Variants in PTPRA observed in about 807,000 individuals in gnomAD.
The protein encoded by PTPRA is receptor-type tyrosine-protein phosphatase alpha.
A neutral mutation model predicts 104.8 loss-of-function variants in PTPRA; 25 were observed. The observed-to-expected ratio is 0.24, with a 90% confidence interval of 0.17 to 0.33. PTPRA has a LOEUF of 0.33. Ranked by LOEUF, PTPRA falls within the 10% of genes least tolerant of loss-of-function variation. The probability of loss-of-function intolerance (pLI) is 1.00; values close to 1 mark genes in which losing one functional copy is unlikely to be tolerated. For missense variants in PTPRA, 765 were observed against 1,015.3 expected (o/e 0.75, Z 3.35); for synonymous variants, 323 against 368.9 (o/e 0.88, Z 1.43).
chr20:2,939,963 A>G (rs1256624143), intron 2 of PTPRA, among the ~76,000 whole-genome samples: 2 of 152,176 alleles, frequency 1.3e-5, no homozygotes, highest in African/African-American at 2.4e-5. Context: ...AAAAAAAATT[A>G]GCCGGGCATG....
At position 3,019,893 on chromosome 20, in the gene PTPRA, G is replaced by A. The variant is rs1010642269; in HGVS notation, c.1042-1416G>A. Reference sequence around the variant, plus strand: ...TGGAGACCAGCCCGGCCAACACAGCGAAACCCCGTCTCCACCAAAAAAATA... The same window carrying A: ...TGGAGACCAGCCCGGCCAACACAGCAAAACCCCGTCTCCACCAAAAAAATA... On this transcript the variant is annotated intron_variant, in intron 13 of 23. Coordinates refer to ENST00000399903, the MANE Select transcript of PTPRA (RefSeq NM_001385305.1). Among the ~76,000 whole-genome samples, 54 of 152,204 alleles carry A rather than the reference G, an allele frequency of 3.5e-4. 1 individual carries two copies. Among genetic ancestry groups the A allele is most frequent in the African/African-American group, 1.0e-3 (42 of 41,550 alleles).
At chr20:2,900,037 G>A (rs542788057) in intron 1 of PTPRA, among the ~76,000 whole-genome samples, 2 of 152,300 alleles carry the variant, frequency 1.3e-5, no homozygotes, top group South Asian at 4.1e-4. Flanking sequence ...TTGAACCCAG[G>A]AGGTGGGGGC....
At chr20:2,988,559 T>TA (rs2063005647) in intron 9 of PTPRA, 85 bp downstream of exon 9, 1 of 1,530,058 alleles carries the variant, frequency 6.5e-7, no homozygotes, top group African/African-American at 1.4e-5. Context: ...AGTCATGAAG[T>TA]AAAAAATGGG....
In PTPRA at chr20:3,035,659, G is replaced by A. The variant is rs1197308072; in HGVS notation, c.1995G>A (p.Glu665=). 6.2e-7 allele frequency: 1 copy of A among 1,614,196 alleles called. No homozygotes were observed. Among genetic ancestry groups the A allele is most frequent in the South Asian group, 1.1e-5 (1 of 91,076 alleles). The part of the protein sequence containing the change: ...YGDITVELKK[E]EECESYTVRD... ...ATATTACAGTGGAACTGAAGAAGGA[G>A]GAGGAATGTGAGAGCTACACCGTCC... Residue 665 remains glutamate (E), a synonymous_variant, in exon 21 of 24, where the codon GAG becomes GAA. Coordinates refer to ENST00000399903, the MANE Select transcript of PTPRA (RefSeq NM_001385305.1). This position sits in a 1 kb window ranked among gnomAD's most constrained non-coding sequence, Gnocchi z 5.8.
chr20:2,969,320 A>G (rs1053947655), intron 5 of PTPRA, among the ~76,000 whole-genome samples: 1 of 151,050 alleles, frequency 6.6e-6, no homozygotes, highest in Non-Finnish European at 1.5e-5. Flanking sequence ...CAGTCTCGGC[A>G]TACTGCAAAC....
At chr20:2,877,063 T>C (rs1429582983) in intron 1 of PTPRA, among the ~76,000 whole-genome samples, 1 of 152,156 alleles carries the variant, frequency 6.6e-6, no homozygotes, top group African/African-American at 2.4e-5. Context: ...GCACCTTTCA[T>C]TGGAGGTGCT....
At chr20:2,975,762 G>T (rs1429632064) in intron 6 of PTPRA, among the ~76,000 whole-genome samples, 3 of 152,182 alleles carry the variant, frequency 2.0e-5, no homozygotes. Context: ...AGAGTAGGGG[G>T]ACATGGGTAC....
At chr20:2,900,910 G>C (rs2147102845) in intron 1 of PTPRA, among the ~76,000 whole-genome samples, 1 of 151,716 alleles carries the variant, frequency 6.6e-6, no homozygotes, top group Admixed American at 6.6e-5. Context: ...CCCTGACCCT[G>C]AAATAGTTGA....
intron 1 of PTPRA, among the ~76,000 whole-genome samples, chr20:2,879,319 A>G (rs2089921994): frequency 6.6e-6 from 1 of 152,190 alleles, no homozygotes; most frequent in Non-Finnish European, 1.5e-5. Flanking sequence ...CAAGTCCTGA[A>G]TCAGTAGGTT....
intron 2 of PTPRA, among the ~76,000 whole-genome samples, chr20:2,925,208 C>T (rs971292379): frequency 6.6e-5 from 10 of 152,180 alleles, no homozygotes; most frequent in African/African-American, 2.4e-4. Flanking sequence ...CCTCCCCCAG[C>T]TGCTGGCAAC....
intron 9 of PTPRA, among the ~76,000 whole-genome samples, chr20:2,997,681 G>A (rs993384856): frequency 6.6e-6 from 1 of 152,108 alleles, no homozygotes; most frequent in Non-Finnish European, 1.5e-5. Flanking sequence ...ATTACAAGCT[G>A]GAGCTTTTTT....
At chr20:3,028,122 C>T (rs1568707503) in intron 20 of PTPRA, among the ~76,000 whole-genome samples, 1 of 152,168 alleles carries the variant, frequency 6.6e-6, no homozygotes, top group Non-Finnish European at 1.5e-5. Context: ...AGACAGCTCA[C>T]ACCCTTGCAC....
chr20:3,008,737 A>G (rs1232178477), intron 11 of PTPRA, among the ~76,000 whole-genome samples: 1 of 116,534 alleles, frequency 8.6e-6, no homozygotes, highest in South Asian at 2.7e-4. Flanking sequence ...CTAAAAAAAA[A>G]AAAAAAACAA....
intron 1 of PTPRA, among the ~76,000 whole-genome samples, chr20:2,881,163 C>G (rs1391496720): frequency 6.6e-6 from 1 of 150,884 alleles, no homozygotes; most frequent in East Asian, 1.9e-4. Context: ...AAGAATTCGC[C>G]GGGCGTGGTG....
intron 3 of PTPRA, among the ~76,000 whole-genome samples, chr20:2,949,923 A>G (rs1321403426): frequency 6.6e-6 from 1 of 152,156 alleles, no homozygotes; most frequent in Non-Finnish European, 1.5e-5. Context: ...TATCTTGGAT[A>G]AACTCAACTG....
intron 6 of PTPRA, among the ~76,000 whole-genome samples, chr20:2,980,687 C>T (rs1449543357): frequency 2.6e-5 from 4 of 152,146 alleles, no homozygotes; most frequent in Non-Finnish European, 5.9e-5. Flanking sequence ...CTCCCCCCAT[C>T]TCTACAAAAA....
chr20:2,944,166 G>C (rs926765314), intron 2 of PTPRA, among the ~76,000 whole-genome samples: 1 of 151,262 alleles, frequency 6.6e-6, no homozygotes, highest in Non-Finnish European at 1.5e-5. Context: ...TCAACCTTCT[G>C]AGTAGCTGGG....
chr20:2,927,827 C>T lies in PTPRA; in HGVS notation c.-50+4542C>T, dbSNP rs547726621. Among the ~76,000 whole-genome samples, 6 of 152,010 alleles carry T rather than the reference C, an allele frequency of 3.9e-5. No homozygotes were observed. In the South Asian group the frequency reaches 8.3e-4, roughly 21 times the overall value. ...GAGTTCAAGACCAGCCTGGCCAACACGGCAAAACCCTGTCTCTACTAAAAA... is the reference window on the plus strand; with the variant it reads ...GAGTTCAAGACCAGCCTGGCCAACATGGCAAAACCCTGTCTCTACTAAAAA... On this transcript the variant is annotated intron_variant, in intron 2 of 23. Transcript: ENST00000399903.
At chr20:2,996,199 TG>T (rs1205049177) in intron 9 of PTPRA, among the ~76,000 whole-genome samples, 2 of 152,242 alleles carry the variant, frequency 1.3e-5, no homozygotes, top group East Asian at 3.8e-4. Flanking sequence ...CTGGAGGAGC[TG>T]GCAGAATCAG....
Sources: allele counts gnomAD v4.1 joint callset (sites outside exome capture counted in the v4.1 genomes callset), GRCh38; gene constraint gnomAD v4.1.1; non-coding constraint Gnocchi (gnomAD v3.1); transcripts MANE v1.5; gene names NCBI Gene and HGNC (gene_info 2026-07-23, HGNC 2026-07-21).